STAG1: variants seen among roughly 807,000 people sequenced by gnomAD.
STAG1 encodes STAG1 cohesin complex component, also known as cohesin subunit SA-1.
In STAG1, 26 loss-of-function variants were observed where a neutral mutation model predicts 170.9. The ratio of observed to expected loss-of-function variants is 0.15; its 90% CI spans 0.11 to 0.21. The LOEUF (loss-of-function observed/expected upper bound fraction) is 0.21. Ranked by LOEUF, STAG1 falls within the 10% of genes least tolerant of loss-of-function variation. The pLI is 1.00. For synonymous variants in STAG1, 514 were observed against 497.7 expected, an observed-to-expected ratio of 1.03 and a Z score of -0.44; for missense variants, 964 against 1,509.5, an observed-to-expected ratio of 0.64 and a Z score of 5.99.
At chr3:136,458,967 C>G (rs576980909) in intron 13 of STAG1, among the ~76,000 whole-genome samples, 1 of 152,016 alleles carries the variant, frequency 6.6e-6, no homozygotes, top group African/African-American at 2.4e-5. Flanking sequence ...AGCCTGTAAT[C>G]GCAGCACTTT....
intron 4 of STAG1, among the ~76,000 whole-genome samples, chr3:136,583,744 G>A (rs779298784): frequency 5.9e-5 from 9 of 152,156 alleles, no homozygotes; most frequent in Non-Finnish European, 7.3e-5. Context: ...AGCCAAGATC[G>A]TGCCATGGCA....
At chr3:136,601,805 C>T (rs1272300515) in intron 4 of STAG1, among the ~76,000 whole-genome samples, 2 of 151,708 alleles carry the variant, frequency 1.3e-5, no homozygotes, top group Non-Finnish European at 2.9e-5. Flanking sequence ...CACTGTACTT[C>T]AGCCTGGCTA....
At chr3:136,612,107 A>G (rs2107817645) in intron 3 of STAG1, among the ~76,000 whole-genome samples, 1 of 152,110 alleles carries the variant, frequency 6.6e-6, no homozygotes, top group South Asian at 2.1e-4. Context: ...TCGGCCTCCC[A>G]AAGTGCTGGG....
intron 1 of STAG1, among the ~76,000 whole-genome samples, chr3:136,739,916 T>C (rs185638137): frequency 9.2e-5 from 14 of 152,260 alleles, no homozygotes; most frequent in Admixed American, 8.5e-4. Flanking sequence ...CACTGCCACT[T>C]ACTAAACCTT....
At position 136,377,674 on chromosome 3, in the gene STAG1, G is replaced by A. The variant is rs1277720387; in HGVS notation, c.2356C>T (p.Pro786Ser). ...TAATTTCTTACCTGTTCTTTCACTG[G>A]AGTATTAACATTAGACAGGCACTGC... ...CQQCLSNVNTPVKEQAFMLLC... is the reference protein window; with the variant it reads ...CQQCLSNVNTSVKEQAFMLLC... The change falls in exon 23 of 34, where the codon CCA (proline) becomes TCA (serine). Residue 786 changes from proline to serine, a missense_variant. Pro to Ser is a moderately conservative substitution (Grantham distance 74). Around this residue, in one of 11 missense-constraint regions of STAG1, gnomAD observed 232 missense variants for 313.0 expected, o/e 0.74. Coordinates refer to ENST00000383202, the MANE Select transcript of STAG1 (RefSeq NM_005862.3). 8.7e-6 allele frequency: 14 copies of A among 1,613,254 alleles called. No homozygotes were observed. The highest frequency in any genetic ancestry group is 1.2e-5 in the Non-Finnish European group (14 of 1,179,510).
intron 22 of STAG1, among the ~76,000 whole-genome samples, chr3:136,397,638 C>T (rs1293440228): frequency 1.3e-5 from 2 of 152,094 alleles, no homozygotes; most frequent in Non-Finnish European, 2.9e-5. Context: ...TTCTAGTTCA[C>T]CCCTGTGGTA....
chr3:136,361,467 C>G (rs1180770319), intron 26 of STAG1, among the ~76,000 whole-genome samples: 7 of 152,254 alleles, frequency 4.6e-5, no homozygotes, highest in African/African-American at 1.4e-4. Flanking sequence ...GAATATATAT[C>G]TTCAATTTTG....
intron 22 of STAG1, among the ~76,000 whole-genome samples, chr3:136,380,294 T>C (rs560564590): frequency 1.3e-5 from 2 of 151,678 alleles, no homozygotes; most frequent in Non-Finnish European, 2.9e-5. Context: ...CAGGCTGGAG[T>C]GCAGTGGTGC....
intron 1 of STAG1, among the ~76,000 whole-genome samples, chr3:136,711,453 C>T (rs1363752532): frequency 6.6e-6 from 1 of 151,826 alleles, no homozygotes; most frequent in African/African-American, 2.4e-5. Flanking sequence ...CCCAGCTACT[C>T]GGGAGGCTGA....
At chr3:136,563,038 T>C (rs191362262) in intron 5 of STAG1, among the ~76,000 whole-genome samples, 3 of 152,194 alleles carry the variant, frequency 2.0e-5, no homozygotes, top group Admixed American at 1.3e-4. Flanking sequence ...TGATGTTGAG[T>C]TCTTCTAAGG....
chr3:136,410,063 T>C (rs1342593890), intron 21 of STAG1, among the ~76,000 whole-genome samples: 4 of 128,798 alleles, frequency 3.1e-5, no homozygotes, highest in Non-Finnish European at 6.5e-5. Context: ...GGGAAAGTCC[T>C]TGTCTAAAAA....
intron 4 of STAG1, among the ~76,000 whole-genome samples, chr3:136,599,012 T>C (rs1389916723): frequency 6.6e-6 from 1 of 152,158 alleles, no homozygotes; most frequent in Admixed American, 6.5e-5. Context: ...TCAAAAATTG[T>C]ATCTAAGACC....
At chr3:136,650,378 T>C (rs560811508) in intron 1 of STAG1, among the ~76,000 whole-genome samples, 8 of 152,276 alleles carry the variant, frequency 5.3e-5, no homozygotes, top group Middle Eastern at 3.4e-3. Context: ...TTTTTAAAGA[T>C]TGACTAATGA....
intron 21 of STAG1, among the ~76,000 whole-genome samples, chr3:136,407,180 C>T (rs1024977263): frequency 2.6e-5 from 4 of 152,152 alleles, no homozygotes; most frequent in African/African-American, 7.2e-5. Context: ...GCATGTGCCA[C>T]CATGCCTGGC....
chr3:136,448,371 C>T (rs995338259), intron 14 of STAG1, among the ~76,000 whole-genome samples: 4 of 152,014 alleles, frequency 2.6e-5, no homozygotes, highest in South Asian at 2.1e-4. Context: ...TCCACATGAC[C>T]GGGGACGCCT....
chr3:136,695,479 C>T (rs9836231), intron 1 of STAG1, among the ~76,000 whole-genome samples: 99,429 of 151,554 alleles, frequency 0.66, 34,904 homozygotes, highest in African/African-American at 0.9. Flanking sequence ...TGTTTAAGCA[C>T]ATAACCAGCT....
intron 1 of STAG1, among the ~76,000 whole-genome samples, chr3:136,706,618 T>C (rs1317296400): frequency 6.6e-6 from 1 of 152,194 alleles, no homozygotes. Flanking sequence ...CATTTAATAT[T>C]GTTAAAATGG....
chr3:136,540,674 T>C (rs988145899), intron 6 of STAG1, among the ~76,000 whole-genome samples: 2 of 151,502 alleles, frequency 1.3e-5, no homozygotes, highest in African/African-American at 4.8e-5. Context: ...ATACAAAAAT[T>C]AGCTGGGCGT....
chr3:136,442,507 G>C (rs1221673242), intron 15 of STAG1, among the ~76,000 whole-genome samples: 1 of 152,136 alleles, frequency 6.6e-6, no homozygotes, highest in African/African-American at 2.4e-5. Flanking sequence ...AAATTATCAT[G>C]TGGCTCTTAT....
Sources: allele counts gnomAD v4.1 joint callset (sites outside exome capture counted in the v4.1 genomes callset), GRCh38; gene constraint gnomAD v4.1.1; regional missense constraint gnomAD v4.1.1; transcripts MANE v1.5; gene names NCBI Gene and HGNC (gene_info 2026-07-23, HGNC 2026-07-21).